Variants in HIF3A observed in about 807,000 individuals in gnomAD.
HIF3A encodes the protein hypoxia inducible factor 3 subunit alpha.
In HIF3A, 41 loss-of-function variants were observed where a neutral mutation model predicts 67.2. That is an observed-to-expected ratio of 0.61 (90% confidence interval 0.48 to 0.79). The LOEUF (loss-of-function observed/expected upper bound fraction) is 0.79, where lower values mean the gene tolerates loss of function less well. Among genes scored for constraint, HIF3A ranks in the 30% least tolerant of loss-of-function variants. HIF3A has a pLI of 0.00. For missense variants in HIF3A, 855 were observed against 898.0 expected, an observed-to-expected ratio of 0.95 and a Z score of 0.61; for synonymous variants, 356 against 374.8, an observed-to-expected ratio of 0.95 and a Z score of 0.58.
At chr19:46,330,477 C>CGGATGGATGGAGGGAT (rs2147280957) in intron 12 of HIF3A, among the ~76,000 whole-genome samples, 1 of 149,378 alleles carries the variant, frequency 6.7e-6, no homozygotes, top group Admixed American at 6.7e-5. Flanking sequence ...ATGGATGAAT[C>CGGATGGATGGAGGGAT]GGATGGATGG....
intron 13 of HIF3A, 65 bp from the exon 14 acceptor site, chr19:46,334,840 C>T: frequency 7.2e-7 from 1 of 1,383,442 alleles, no homozygotes; most frequent in South Asian, 1.2e-5. Context: ...ACAGTCACCA[C>T]TCCCGGCTGT....
chr19:46,329,056 G>A (rs184689140), intron 11 of HIF3A, 151 bp from the exon 12 acceptor site: 6 of 647,612 alleles, frequency 9.3e-6, no homozygotes, highest in Middle Eastern at 3.0e-4. Flanking sequence ...ATGTTCTTCA[G>A]GGAGTCCTTA....
At chr19:46,317,635 T>C (rs1182470863) in intron 8 of HIF3A, among the ~76,000 whole-genome samples, 1 of 152,066 alleles carries the variant, frequency 6.6e-6, no homozygotes, top group Non-Finnish European at 1.5e-5. Flanking sequence ...GAGACCCTCT[T>C]TCCTGAGCCC....
chr19:46,334,045 G>A (rs185202151), intron 13 of HIF3A, among the ~76,000 whole-genome samples: 10 of 149,950 alleles, frequency 6.7e-5, no homozygotes, highest in Admixed American at 6.0e-4. Flanking sequence ...CGCCCAACTC[G>A]GCCTCCCAAA....
At position 46,297,142 on chromosome 19, in the gene HIF3A, G is replaced by A. The variant is rs751173227; in HGVS notation, c.26+40G>A. On this transcript the variant is annotated intron_variant, in intron 1 of 14. Coordinates refer to ENST00000377670, the MANE Select transcript of HIF3A (RefSeq NM_152795.4). This position sits in a 1 kb window ranked among gnomAD's most constrained non-coding sequence, Gnocchi z 4.5. ...GGGCAGGAGTTCTGGGAATTGGGGG[G>A]CTCTCCTCCTGGAGACCCCTGAGCT... 2 of 727,614 alleles carry A rather than the reference G, an allele frequency of 2.7e-6. No individual in the cohort carries two copies. Among genetic ancestry groups the A allele is most frequent in the South Asian group, 4.8e-5 (1 of 20,972 alleles). The allele number at this position is 727,614 out of a possible 1,614,324, so 45.1% of individuals were successfully genotyped here. A position where few individuals can be genotyped will look rare whatever the true frequency, so the allele number is the denominator to read the frequency against.
At chr19:46,304,771 C>A (rs1968682902) in intron 2 of HIF3A, among the ~76,000 whole-genome samples, 2 of 152,134 alleles carry the variant, frequency 1.3e-5, no homozygotes, top group African/African-American at 4.8e-5. Context: ...TTCTTGGAGG[C>A]TTTACCCCCT....
chr19:46,303,858 T>C (rs1353822963), intron 1 of HIF3A, 40 bp from the exon 2 acceptor site: 1 of 1,586,178 alleles, frequency 6.3e-7, no homozygotes. Context: ...CCTTTTCTCT[T>C]TCCCGAGTCA....
chr19:46,338,486 A>G, intron 14 of HIF3A: 1 of 1,149,758 alleles, frequency 8.7e-7, no homozygotes. Flanking sequence ...TACTGGTATG[A>G]ACCACCACGC....
chr19:46,302,186 GT>G (rs1662011355), intron 1 of HIF3A, among the ~76,000 whole-genome samples: 1 of 151,926 alleles, frequency 6.6e-6, no homozygotes, highest in South Asian at 2.1e-4. Context: ...CTGGAGTATA[GT>G]GGCGCGATCT....
At chr19:46,313,096 CA>C in intron 8 of HIF3A, 3 of 679,132 alleles carry the variant, frequency 4.4e-6, no homozygotes, top group African/African-American at 2.0e-5. Flanking sequence ...CTAATAATAC[CA>C]AAAATTAGCC....
intron 11 of HIF3A, among the ~76,000 whole-genome samples, chr19:46,325,861 T>C (rs922326402): frequency 6.6e-6 from 1 of 152,232 alleles, no homozygotes; most frequent in Non-Finnish European, 1.5e-5. Context: ...TTTGGATGGA[T>C]ATTTTGATAG....
intron 3 of HIF3A, among the ~76,000 whole-genome samples, chr19:46,306,033 T>C (rs11673322): frequency 0.27 from 40,433 of 151,960 alleles, 5,706 homozygotes; most frequent in East Asian, 0.49. Flanking sequence ...GAGCCAAGAT[T>C]GCACCAGTAC....
In HIF3A at chr19:46,321,772, G is replaced by A. The variant is rs1970383973; in HGVS notation, c.1145-4G>A. ...TGTCCTCCCCATCTCCATGTGTCCT[G>A]CAGACACCCCTGGCCCCCGGATCCT... On this transcript the variant is annotated splice_polypyrimidine_tract_variant and splice_region_variant and intron_variant, in intron 9 of 14. Transcript: ENST00000377670. 2 of 1,612,216 alleles carry A rather than the reference G, an allele frequency of 1.2e-6. No homozygotes were observed. The highest frequency in any genetic ancestry group is 1.3e-5 in the African/African-American group (1 of 74,994).
Position 46,312,580 on chromosome 19 carries a change from A to G in HIF3A, c.952A>G (p.Thr318Ala), listed in dbSNP as rs1280201728. The G allele has an allele frequency of 1.9e-6, 3 of 1,611,052 alleles. No individual in the cohort carries two copies. Among genetic ancestry groups the G allele is most frequent in the Non-Finnish European group, 2.5e-6 (3 of 1,178,768 alleles). The change falls in exon 8 of 15, where the codon ACC becomes GCC. Residue 318 changes from threonine (T) to alanine (A), a missense_variant. Thr to Ala is a moderately conservative substitution (Grantham distance 58). This residue lies in a region of HIF3A where 638 missense variants were observed against 660.5 expected (regional missense o/e 0.97). Coordinates refer to ENST00000377670, the MANE Select transcript of HIF3A (RefSeq NM_152795.4). Reference sequence around the variant, plus strand: ...GAGTGGTGGCTACCTGTGGACCCAGACCCAGGCCACAGTGGTGTCAGGGGG... The same window carrying G: ...GAGTGGTGGCTACCTGTGGACCCAGGCCCAGGCCACAGTGGTGTCAGGGGG... ...ARSGGYLWTQTQATVVSGGRG... is the reference protein window; with the variant it reads ...ARSGGYLWTQAQATVVSGGRG...
chr19:46,308,507 C>T, intron 4 of HIF3A, 156 bp from the exon 5 acceptor site: 1 of 633,578 alleles, frequency 1.6e-6, no homozygotes, highest in South Asian at 2.0e-5. Flanking sequence ...CCTGGGGGGT[C>T]CAAGGGGACA....
At chr19:46,331,375 A>G in intron 13 of HIF3A, 102 bp downstream of exon 13, 1 of 874,068 alleles carries the variant, frequency 1.1e-6, no homozygotes, top group Non-Finnish European at 1.9e-6. Context: ...GGGCTGGTTG[A>G]GGGTCATACA....
chr19:46,312,267 T>C lies in HIF3A; in HGVS notation c.877T>C (p.Leu293=), dbSNP rs145550030. The C allele has an allele frequency of 8.4e-4, 1,351 of 1,613,908 alleles. 13 individuals carry two copies. The African/African-American group carries it at 0.014, about 17-fold the overall frequency. The stretch of plus-strand genomic sequence containing the variant: ...TGCGGTCAGCAAGAGCATCCACACC[T>C]GTATGTATCCCATTTCCCCAGGTGC... The part of the protein sequence containing the change: ...SDAVSKSIHT[L]LSKGQAVTGQ... Residue 293 remains leucine (L), a splice_region_variant and synonymous_variant, in exon 7 of 15, where the codon TTG becomes CTG. Coordinates refer to ENST00000377670, the MANE Select transcript of HIF3A (RefSeq NM_152795.4).
At chr19:46,329,984 A>G in intron 12 of HIF3A, among the ~76,000 whole-genome samples, 2 of 132,786 alleles carry the variant, frequency 1.5e-5, no homozygotes, top group Admixed American at 7.7e-5. Flanking sequence ...AAAGATAGAG[A>G]GAGAGAGAGA....
intron 10 of HIF3A, among the ~76,000 whole-genome samples, chr19:46,325,027 T>G (rs2147254196): frequency 7.5e-6 from 1 of 133,500 alleles, no homozygotes; most frequent in African/African-American, 3.0e-5. Context: ...GACAGAGTCT[T>G]ACTCTGTCAC....
Sources: gnomAD v4.1 joint callset for allele counts (sites outside exome capture counted in the v4.1 genomes callset) on GRCh38, gnomAD v4.1.1 for gene constraint, gnomAD v4.1.1 regional missense constraint, Gnocchi (gnomAD v3.1) non-coding constraint, MANE v1.5 for transcripts, NCBI Gene and HGNC (gene_info 2026-07-23, HGNC 2026-07-21) for gene names.